Variants in CHST6 observed in about 807,000 individuals in gnomAD.
The protein encoded by CHST6 is carbohydrate sulfotransferase 6, also known as N-acetylglucosamine 6-O-sulfotransferase 5.
For synonymous variants in CHST6, 309 were observed against 276.4 expected, an observed-to-expected ratio of 1.12 and a Z score of -1.17; for missense variants, 698 against 586.2, an observed-to-expected ratio of 1.19 and a Z score of -1.97.
chr16:75,485,243 T>C (rs1266388631), intron 1 of CHST6, among the ~76,000 whole-genome samples: 1 of 152,228 alleles, frequency 6.6e-6, no homozygotes, highest in African/African-American at 2.4e-5. Context: ...AAACTTTTTT[T>C]GACATTAACT....
At chr16:75,490,446 C>G (rs997250191) in intron 1 of CHST6, among the ~76,000 whole-genome samples, 2 of 152,046 alleles carry the variant, frequency 1.3e-5, no homozygotes, top group Non-Finnish European at 2.9e-5. Context: ...CCATTGCACT[C>G]CAGCCTGGGC....
chr16:75,480,927 C>CAAAAAA (rs60465949), intron 2 of CHST6, among the ~76,000 whole-genome samples: 3 of 111,366 alleles, frequency 2.7e-5, no homozygotes, highest in African/African-American at 1.2e-4. Context: ...AACTTCATTC[C>CAAAAAA]AAAAAAAAAA....
chr16:75,485,919 C>G (rs1351427439), intron 1 of CHST6, among the ~76,000 whole-genome samples: 3 of 152,224 alleles, frequency 2.0e-5, no homozygotes, highest in Non-Finnish European at 4.4e-5. Context: ...AAGTCCCCAC[C>G]TGGCCTCCCT....
At chr16:75,490,989 G>A (rs2080246374) in intron 1 of CHST6, among the ~76,000 whole-genome samples, 1 of 151,432 alleles carries the variant, frequency 6.6e-6, no homozygotes, top group Admixed American at 6.6e-5. Flanking sequence ...CTATAAGCCA[G>A]TGAACTGTAC....
At position 75,479,066 on chromosome 16, in the gene CHST6, C is replaced by A; in HGVS notation, c.763G>T (p.Ala255Ser). The part of the protein sequence containing the change: ...VCRSHVRIAE[A>S]ATLKPPPFLR... ...AAGGGTGGCGGCTTGAGTGTGGCGGCCTCGGCGATGCGTACGTGGCTACGG... is the reference window on the plus strand; with the variant it reads ...AAGGGTGGCGGCTTGAGTGTGGCGGACTCGGCGATGCGTACGTGGCTACGG... The change falls in exon 3 of 3, where the codon GCC becomes TCC. Residue 255 changes from alanine to serine, a missense_variant. Ala to Ser is a moderately conservative substitution (Grantham distance 99). Coordinates refer to ENST00000332272, the MANE Select transcript of CHST6 (RefSeq NM_021615.5). 1 of 1,606,528 alleles carries A rather than the reference C, an allele frequency of 6.2e-7. No homozygotes were observed. Among genetic ancestry groups the A allele is most frequent in the Non-Finnish European group, 8.5e-7 (1 of 1,179,454 alleles).
At chr16:75,485,832 C>T (rs1279210871) in intron 1 of CHST6, among the ~76,000 whole-genome samples, 1 of 150,446 alleles carries the variant, frequency 6.6e-6, no homozygotes, top group Non-Finnish European at 1.5e-5. Flanking sequence ...GATGGTGTCC[C>T]AGTGGATGGC....
Position 75,477,782 on chromosome 16 carries a change from C to T in CHST6, c.*859G>A, listed in dbSNP as rs1229613880. On this transcript the variant is annotated 3_prime_UTR_variant, in exon 3 of 3. Coordinates refer to ENST00000332272, the MANE Select transcript of CHST6 (RefSeq NM_021615.5). The stretch of plus-strand genomic sequence containing the variant: ...GTTCCAGCCCAGAGCCATTTCCCTT[C>T]CAACCTCTTGGCAAGCCTGATGAGT... The T allele has an allele frequency of 6.6e-6, 1 of 152,644 alleles. No individual in the cohort carries two copies. The highest frequency in any genetic ancestry group is 2.4e-5 in the African/African-American group (1 of 41,468). 9.5% of individuals were successfully genotyped at this position (152,644 alleles called of 1,614,324 possible).
intron 1 of CHST6, among the ~76,000 whole-genome samples, chr16:75,487,483 G>C (rs560198073): frequency 2.6e-5 from 4 of 151,804 alleles, no homozygotes; most frequent in Non-Finnish European, 5.9e-5. Flanking sequence ...TGACCAACAC[G>C]GTGAAACCCC....
chr16:75,477,617 A>C lies in CHST6; in HGVS notation c.*1024T>G, dbSNP rs1286910101. 1 of 152,132 alleles carries C rather than the reference A, an allele frequency of 6.6e-6. No homozygotes were observed. Among genetic ancestry groups the C allele is most frequent in the Non-Finnish European group, 1.5e-5 (1 of 68,060 alleles). The allele number at this position is 152,132 out of a possible 1,614,324, so 9.4% of individuals were successfully genotyped here. On this transcript the variant is annotated 3_prime_UTR_variant, in exon 3 of 3. Coordinates refer to ENST00000332272, the MANE Select transcript of CHST6 (RefSeq NM_021615.5). ...GGCACTTATAGGCTCTCATTTCCTG[A>C]GCTCGGGACTAAACCCTCTACACAT...
intron 2 of CHST6, among the ~76,000 whole-genome samples, chr16:75,481,150 C>T (rs942073157): frequency 6.6e-6 from 1 of 151,690 alleles, no homozygotes; most frequent in Non-Finnish European, 1.5e-5. Flanking sequence ...GTGGAGTGCG[C>T]CTGTGGTCCC....
At chr16:75,493,759 T>A (rs1357668279) in intron 1 of CHST6, among the ~76,000 whole-genome samples, 2 of 152,140 alleles carry the variant, frequency 1.3e-5, no homozygotes, top group Non-Finnish European at 2.9e-5. Context: ...GGTGCCCCAG[T>A]GCCCCAGCAA....
intron 1 of CHST6, chr16:75,490,540 T>A (rs2080243487): frequency 6.6e-6 from 1 of 152,122 alleles, no homozygotes. Flanking sequence ...TAAACCACAG[T>A]GACAAGTCAC....
At chr16:75,491,091 G>T (rs2080247157) in intron 1 of CHST6, among the ~76,000 whole-genome samples, 1 of 144,006 alleles carries the variant, frequency 6.9e-6, no homozygotes, top group African/African-American at 2.6e-5. Context: ...CTGAGGTCAG[G>T]AAGGCAGAGT....
rs1179377862 is a variant in CHST6 at position 75,472,147 on chromosome 16, A to G, written c.*6494T>C. ...ATAAGGAAAGGATTCACATTCAACA[A>G]TATGATAAACTAGGTGAAACTTTTT... is the stretch of plus-strand genomic sequence containing the variant. On this transcript the variant is annotated 3_prime_UTR_variant, in exon 3 of 3. Transcript: ENST00000332272. The G allele has an allele frequency of 6.6e-6, 1 of 152,238 alleles. No homozygotes were observed. The highest frequency in any genetic ancestry group is 1.5e-5 in the Non-Finnish European group (1 of 68,046). The allele number at this position is 152,238 out of a possible 1,614,324, so 9.4% of individuals were successfully genotyped here. A position where few individuals can be genotyped will look rare whatever the true frequency, so the allele number is the denominator to read the frequency against.
chr16:75,483,574 A>T (rs192316140), intron 1 of CHST6, among the ~76,000 whole-genome samples: 54 of 152,310 alleles, frequency 3.5e-4, no homozygotes, highest in African/African-American at 1.1e-3. Context: ...AGAACAAGTC[A>T]GGCAGGCCCT....
chr16:75,479,539 C>T lies in CHST6; in HGVS notation c.290G>A (p.Arg97His), dbSNP rs72547546. The change falls in exon 3 of 3, where the codon CGC becomes CAC. Residue 97 changes from arginine (R) to histidine (H), a missense_variant. Transcript: ENST00000332272. ...GTCCATGTCGCACAGGAAGACGGAG[C>T]GCACCAGGTCGCGCACAGCCATGTG... is the stretch of plus-strand genomic sequence containing the variant. The part of the protein sequence containing the change: ...TLHMAVRDLV[R>H]SVFLCDMDVF... The T allele has an allele frequency of 6.2e-7, 1 of 1,612,846 alleles. No homozygotes were observed. Among genetic ancestry groups the T allele is most frequent in the Admixed American group, 1.7e-5 (1 of 60,004 alleles).
chr16:75,485,547 G>C (rs1383235487), intron 1 of CHST6, among the ~76,000 whole-genome samples: 1 of 152,236 alleles, frequency 6.6e-6, no homozygotes, highest in Non-Finnish European at 1.5e-5. Flanking sequence ...GAAGTACTGA[G>C]AGTACATTTC....
rs375207627 is a variant in CHST6 at position 75,479,418 on chromosome 16, G to T, written c.411C>A (p.Ala137=). The part of the protein sequence containing the change: ...RALCSPPACS[A]FPRGAISSEA... ...CGCTGCTGATGGCGCCTCGGGGAAA[G>T]GCACTGCAGGCGGGTGGCGAGCACA... The change falls in exon 3 of 3, where the codon GCC becomes GCA. Residue 137 remains alanine, a synonymous_variant. Transcript: ENST00000332272. 57 of 1,612,846 alleles carry T rather than the reference G, an allele frequency of 3.5e-5. No individual in the cohort carries two copies. The highest frequency in any genetic ancestry group is 1.6e-4 in the Middle Eastern group (1 of 6,084).
rs144843292 is a variant in CHST6, at chr16:75,478,254, C to T, written c.*387G>A. On this transcript the variant is annotated 3_prime_UTR_variant, in exon 3 of 3. Transcript: ENST00000332272. The stretch of plus-strand genomic sequence containing the variant: ...GTACAGACCTCTGGAGCCATTTCAC[C>T]ACAGTGCCTCTCCACTCCCAGCCAG... 554 of 350,384 alleles carry T rather than the reference C, an allele frequency of 1.6e-3. 3 individuals are homozygous for T. Among genetic ancestry groups the T allele is most frequent in the African/African-American group, 0.011 (526 of 47,402 alleles). 21.7% of individuals were successfully genotyped at this position (350,384 alleles called of 1,614,324 possible). A position where few individuals can be genotyped will look rare whatever the true frequency, so the allele number is the denominator to read the frequency against.
Sources: gnomAD v4.1 joint callset for allele counts (sites outside exome capture counted in the v4.1 genomes callset) on GRCh38, gnomAD v4.1.1 for gene constraint, MANE v1.5 for transcripts, NCBI Gene and HGNC (gene_info 2026-07-23, HGNC 2026-07-21) for gene names.